PARD3B: variants seen among roughly 807,000 people sequenced by gnomAD.
The protein encoded by PARD3B is par-3 family cell polarity regulator beta.
PARD3B carries 103 observed loss-of-function variants against 130.2 expected under a neutral mutation model. The observed-to-expected ratio is 0.79, with a 90% CI of 0.67 to 0.93. The LOEUF (loss-of-function observed/expected upper bound fraction) is 0.93. Among genes scored for constraint, PARD3B ranks in the 40% least tolerant of loss-of-function variants. The probability of loss-of-function intolerance (pLI) is 0.00; values close to 1 mark genes in which losing one functional copy is unlikely to be tolerated. For synonymous variants in PARD3B, 583 were observed against 553.2 expected (o/e 1.05, Z -0.76); for missense variants, 1,609 against 1,499.2 (o/e 1.07, Z -1.21).
intron 3 of PARD3B, among the ~76,000 whole-genome samples, chr2:205,031,331 G>A (rs1315843134): frequency 2.6e-5 from 4 of 152,266 alleles, no homozygotes; most frequent in African/African-American, 9.6e-5. Context: ...GATAGCATCC[G>A]AACTTTCATG....
intron 2 of PARD3B, among the ~76,000 whole-genome samples, chr2:204,720,743 TTA>T (rs2038960235): frequency 6.6e-6 from 1 of 152,068 alleles, no homozygotes; most frequent in Non-Finnish European, 1.5e-5. Context: ...TTATATCAGG[TTA>T]TGTGTCCAGC....
chr2:204,849,894 T>G (rs2044638713), intron 2 of PARD3B, among the ~76,000 whole-genome samples: 1 of 152,172 alleles, frequency 6.6e-6, no homozygotes, highest in Admixed American at 6.5e-5. Context: ...CATTTAGTAT[T>G]TCTAGAAGCA....
At chr2:205,264,765 C>T (rs1219838930) in intron 16 of PARD3B, among the ~76,000 whole-genome samples, 1 of 151,020 alleles carries the variant, frequency 6.6e-6, no homozygotes, top group African/African-American at 2.4e-5. Context: ...ATATGGTCTT[C>T]CTAAAGTGAT....
At chr2:205,389,803 G>A (rs1445747922) in intron 18 of PARD3B, among the ~76,000 whole-genome samples, 1 of 152,180 alleles carries the variant, frequency 6.6e-6, no homozygotes, top group African/African-American at 2.4e-5. Flanking sequence ...AAAGGTCTAA[G>A]TATGAGATAG....
intron 4 of PARD3B, among the ~76,000 whole-genome samples, chr2:205,080,551 A>T (rs909976598): frequency 6.6e-6 from 1 of 152,106 alleles, no homozygotes; most frequent in African/African-American, 2.4e-5. Context: ...ACTTTTATCT[A>T]AAAATCTGTT....
At chr2:205,225,009 G>T (rs1007640309) in intron 15 of PARD3B, among the ~76,000 whole-genome samples, 2 of 151,950 alleles carry the variant, frequency 1.3e-5, no homozygotes, top group Non-Finnish European at 2.9e-5. Flanking sequence ...TTCCTCTGTT[G>T]ATGGACAATT....
At position 205,558,866 on chromosome 2, in the gene PARD3B, G is replaced by A. The variant is rs1249170297; in HGVS notation, c.3260+5463G>A. On this transcript the variant is annotated intron_variant, in intron 22 of 22. Coordinates refer to ENST00000406610, the MANE Select transcript of PARD3B (RefSeq NM_001302769.2). This position sits in a 1 kb window ranked among gnomAD's most constrained non-coding sequence, Gnocchi z 4.8. Reference sequence around the variant, plus strand: ...GCTCTTCTTCTTTTAAACTTCCATAGCATTTACTTAGCACCTTCCCAGTGC... The same window carrying A: ...GCTCTTCTTCTTTTAAACTTCCATAACATTTACTTAGCACCTTCCCAGTGC... 6.6e-6 allele frequency among the ~76,000 whole-genome samples: 1 copy of A among 152,032 alleles called. No homozygotes were observed. The highest frequency in any genetic ancestry group is 1.5e-5 in the Non-Finnish European group (1 of 68,028).
At chr2:204,563,217 GTCTCTCTCTCTCTCTC>G (rs35536964) in intron 1 of PARD3B, among the ~76,000 whole-genome samples, 871 of 86,640 alleles carry the variant, frequency 0.01, 21 homozygotes, top group African/African-American at 0.034. Flanking sequence ...TCTTCCCGCT[GTCTCTCTCTCTCTCTC>G]TCTCTCTCTC....
chr2:205,169,166 T>C (rs1296517471), intron 11 of PARD3B, among the ~76,000 whole-genome samples: 2 of 152,190 alleles, frequency 1.3e-5, no homozygotes, highest in Non-Finnish European at 2.9e-5. Context: ...ACACATCATT[T>C]ATCTTATAAA....
intron 21 of PARD3B, among the ~76,000 whole-genome samples, chr2:205,504,562 A>T (rs1169784831): frequency 6.6e-6 from 1 of 152,216 alleles, no homozygotes; most frequent in Non-Finnish European, 1.5e-5. Flanking sequence ...AAACAACCCC[A>T]TCAAAAAGTG....
At position 205,027,426 on chromosome 2, in the gene PARD3B, T is replaced by C. The variant is rs946670484; in HGVS notation, c.395-20155T>C. On this transcript the variant is annotated intron_variant, in intron 3 of 22. Coordinates refer to ENST00000406610, the MANE Select transcript of PARD3B (RefSeq NM_001302769.2). ...AATCTGGTTATTTGTTTTTTGATATTGAGCTGCTTGAATTTATAATATTTT... is the reference window on the plus strand; with the variant it reads ...AATCTGGTTATTTGTTTTTTGATATCGAGCTGCTTGAATTTATAATATTTT... 6.6e-5 allele frequency among the ~76,000 whole-genome samples: 10 copies of C among 152,286 alleles called. No individual in the cohort carries two copies. In the East Asian group the frequency reaches 1.5e-3, roughly 24 times the overall value.
At position 205,258,466 on chromosome 2, in the gene PARD3B, AC is replaced by A. The variant is rs1009367326; in HGVS notation, c.2185+12646del. Among the ~76,000 whole-genome samples the A allele has an allele frequency of 6.6e-6, 1 of 152,170 alleles. No individual in the cohort carries two copies. The highest frequency in any genetic ancestry group is 1.5e-5 in the Non-Finnish European group (1 of 68,028). ...ACCCAACAAGAAGCCAGTTTCTCTC[AC>A]CTTACTGTTTACCTCCTTATAGAGC... is the stretch of plus-strand genomic sequence containing the variant. On this transcript the variant is annotated intron_variant, in intron 16 of 22. Transcript: ENST00000406610. This position sits in a 1 kb window ranked among gnomAD's most constrained non-coding sequence, Gnocchi z 4.9.
At chr2:204,752,038 A>G (rs919058587) in intron 2 of PARD3B, among the ~76,000 whole-genome samples, 12 of 152,132 alleles carry the variant, frequency 7.9e-5, no homozygotes, top group African/African-American at 2.9e-4. Context: ...CAAGAAAGAG[A>G]AGTGCTGTGT....
At chr2:205,126,413 G>A (rs2031401998) in intron 10 of PARD3B, among the ~76,000 whole-genome samples, 1 of 152,032 alleles carries the variant, frequency 6.6e-6, no homozygotes. Flanking sequence ...TAAGGCATTG[G>A]TTAGATAAAT....
chr2:205,079,240 C>A (rs1701256258), intron 4 of PARD3B, among the ~76,000 whole-genome samples: 1 of 152,156 alleles, frequency 6.6e-6, no homozygotes, highest in Non-Finnish European at 1.5e-5. Context: ...ATTACTTTAT[C>A]TCAAAAAGCT....
chr2:205,408,972 A>G (rs1210881271), intron 19 of PARD3B, among the ~76,000 whole-genome samples: 1 of 152,090 alleles, frequency 6.6e-6, no homozygotes, highest in Non-Finnish European at 1.5e-5. Context: ...GGCTCCCTTA[A>G]AATGCTGGTA....
intron 1 of PARD3B, among the ~76,000 whole-genome samples, chr2:204,613,731 G>T (rs12474806): frequency 0.68 from 103,444 of 151,922 alleles, 36,668 homozygotes; most frequent in Non-Finnish European, 0.78. Context: ...TATGAACTTT[G>T]TTTTATTCCT....
rs2040937364 is a variant in PARD3B, at chr2:205,276,098, A to G, written c.2186-24432A>G. The stretch of plus-strand genomic sequence containing the variant: ...AGTAACTGAAGTTGTTGCCTTCATT[A>G]AGGATTTCTGTTCCTGAAATTTGTA... On this transcript the variant is annotated intron_variant, in intron 16 of 22. Transcript: ENST00000406610. The surrounding 1 kb of genome is among the most constrained non-coding windows in gnomAD (Gnocchi z 5.0). 6.6e-6 allele frequency among the ~76,000 whole-genome samples: 1 copy of G among 152,200 alleles called. No homozygotes were observed. Among genetic ancestry groups the G allele is most frequent in the African/African-American group, 2.4e-5 (1 of 41,460 alleles).
intron 18 of PARD3B, among the ~76,000 whole-genome samples, chr2:205,333,281 G>A (rs2043199213): frequency 6.6e-6 from 1 of 151,764 alleles, no homozygotes; most frequent in African/African-American, 2.4e-5. Context: ...CTGAATTGAG[G>A]GGAGCTAAAA....
Sources: allele counts gnomAD v4.1 joint callset (sites outside exome capture counted in the v4.1 genomes callset), GRCh38; gene constraint gnomAD v4.1.1; non-coding constraint Gnocchi (gnomAD v3.1); transcripts MANE v1.5; gene names NCBI Gene and HGNC (gene_info 2026-07-23, HGNC 2026-07-21).